Variants in HBP1 observed in about 807,000 individuals in gnomAD.
HBP1 encodes the protein HMG box-containing protein 1.
HBP1 carries 20 observed loss-of-function variants against 62.6 expected under a neutral mutation model. The observed-to-expected ratio is 0.32, with a 90% CI of 0.22 to 0.46. The LOEUF (loss-of-function observed/expected upper bound fraction) is 0.46, where lower values mean the gene tolerates loss of function less well. HBP1 is among the 20% of genes least tolerant of loss of function. The pLI is 1.00. For synonymous variants in HBP1, 232 were observed against 206.2 expected (o/e 1.12, Z -1.07); for missense variants, 480 against 611.8 (o/e 0.78, Z 2.27).
chr7:107,183,673 T>G (rs1797221682), intron 3 of HBP1, among the ~76,000 whole-genome samples: 1 of 152,090 alleles, frequency 6.6e-6, no homozygotes, highest in African/African-American at 2.4e-5. Flanking sequence ...TAGAGATACT[T>G]TTTTTTCACT....
rs1796414746 is a variant in HBP1 at position 107,169,083 on chromosome 7, C to A, written c.-118C>A. On this transcript the variant is annotated 5_prime_UTR_variant, in exon 1 of 11. Transcript: ENST00000222574. Reference sequence around the variant, plus strand: ...GAGCTGCCGCGGGAGCAGTAACCCGCGCGGGGGAGGCCGACGTCGGTCGGA... The same window carrying A: ...GAGCTGCCGCGGGAGCAGTAACCCGAGCGGGGGAGGCCGACGTCGGTCGGA... 1 of 1,286,050 alleles carries A rather than the reference C, an allele frequency of 7.8e-7. No homozygotes were observed. The highest frequency in any genetic ancestry group is 1.0e-6 in the Non-Finnish European group (1 of 986,880). 79.7% of individuals were successfully genotyped at this position (1,286,050 alleles called of 1,614,324 possible). A position where few individuals can be genotyped will look rare whatever the true frequency, so the allele number is the denominator to read the frequency against.
At chr7:107,174,964 C>G (rs1211307738) in intron 1 of HBP1, among the ~76,000 whole-genome samples, 1 of 152,042 alleles carries the variant, frequency 6.6e-6, no homozygotes, top group Non-Finnish European at 1.5e-5. Flanking sequence ...CATAGTATGA[C>G]TAGTTTCTCT....
intron 1 of HBP1, among the ~76,000 whole-genome samples, chr7:107,178,440 A>G (rs1036999050): frequency 5.9e-5 from 9 of 152,274 alleles, no homozygotes; most frequent in Non-Finnish European, 8.8e-5. Flanking sequence ...AGACAACCAC[A>G]TTTTCCTTTC....
intron 1 of HBP1, among the ~76,000 whole-genome samples, chr7:107,176,317 C>G (rs1758957486): frequency 6.6e-6 from 1 of 152,176 alleles, no homozygotes; most frequent in South Asian, 2.1e-4. Context: ...AACCACTGAT[C>G]TAGCCCCTTC....
At chr7:107,172,499 A>G (rs1796647250) in intron 1 of HBP1, among the ~76,000 whole-genome samples, 1 of 152,184 alleles carries the variant, frequency 6.6e-6, no homozygotes, top group African/African-American at 2.4e-5. Flanking sequence ...TGTCGTTTTA[A>G]TATGTGACTT....
At chr7:107,198,331 T>C (rs1726210590) in intron 9 of HBP1, among the ~76,000 whole-genome samples, 1 of 152,056 alleles carries the variant, frequency 6.6e-6, no homozygotes, top group South Asian at 2.1e-4. Flanking sequence ...TGCCTCAGCC[T>C]CTGAGCAGCT....
intron 6 of HBP1, 83 bp from the exon 7 acceptor site, chr7:107,189,207 CCA>C (rs1192645468): frequency 6.9e-6 from 8 of 1,155,520 alleles, no homozygotes; most frequent in Non-Finnish European, 9.8e-6. Flanking sequence ...TTTACCTTTT[CCA>C]CAAAGTCTTA....
chr7:107,194,093 C>G (rs951448760), intron 8 of HBP1, among the ~76,000 whole-genome samples: 1 of 152,034 alleles, frequency 6.6e-6, no homozygotes, highest in African/African-American at 2.4e-5. Context: ...GAATGCTTAC[C>G]TAAGGTAGTA....
At chr7:107,190,476 GTAAT>G (rs796382431) in intron 8 of HBP1, among the ~76,000 whole-genome samples, 159 bp downstream of exon 8, 6 of 152,270 alleles carry the variant, frequency 3.9e-5, no homozygotes, top group African/African-American at 1.4e-4. Context: ...AACATATTAG[GTAAT>G]TAAAGTATAA....
At chr7:107,195,034 CCTTT>C (rs1235714632) in intron 8 of HBP1, among the ~76,000 whole-genome samples, 2 of 152,096 alleles carry the variant, frequency 1.3e-5, no homozygotes, top group East Asian at 1.9e-4. Flanking sequence ...ATTTTAAGTT[CCTTT>C]ATTTGTTTTT....
rs574214058 is a variant in HBP1 at position 107,189,220 on chromosome 7, C to T, written c.766-72C>T. 2.3e-6 allele frequency: 3 copies of T among 1,279,746 alleles called. No homozygotes were observed. The African/African-American group carries it at 4.5e-5, about 19-fold the overall frequency. 79.3% of individuals were successfully genotyped at this position (1,279,746 alleles called of 1,614,324 possible). On this transcript the variant is annotated intron_variant, in intron 6 of 10. Coordinates refer to ENST00000222574, the MANE Select transcript of HBP1 (RefSeq NM_012257.4). ...TTTTTACCTTTTCCACAAAGTCTTA[C>T]ATGTAATGGGAACTTCACAGTGTTT...
intron 9 of HBP1, among the ~76,000 whole-genome samples, chr7:107,199,329 G>A (rs544030569): frequency 2.4e-4 from 37 of 152,238 alleles, no homozygotes; most frequent in African/African-American, 8.2e-4. Context: ...TGATCTGCCC[G>A]CCTTGGCCTC....
intron 5 of HBP1, 37 bp downstream of exon 5, chr7:107,186,509 C>T (rs752150734): frequency 1.9e-6 from 3 of 1,571,834 alleles, no homozygotes; most frequent in Non-Finnish European, 2.6e-6. Context: ...TTGAATTTTC[C>T]ACAGCTTACT....
At chr7:107,170,190 C>T in intron 1 of HBP1, 2 of 936,690 alleles carry the variant, frequency 2.1e-6, no homozygotes, top group Non-Finnish European at 1.3e-6. Flanking sequence ...GATGCCAGGA[C>T]GAGAGGAGGC....
At chr7:107,180,200 T>C (rs1411353186) in intron 2 of HBP1, 138 bp downstream of exon 2, 1 of 504,918 alleles carries the variant, frequency 2.0e-6, no homozygotes, top group African/African-American at 1.9e-5. Context: ...CAGCATTCTT[T>C]TATTGCTTTT....
At chr7:107,181,498 T>G (rs1181180358) in intron 2 of HBP1, among the ~76,000 whole-genome samples, 2 of 151,672 alleles carry the variant, frequency 1.3e-5, no homozygotes, top group Non-Finnish European at 2.9e-5. Flanking sequence ...TTTTTTAAGA[T>G]AGGACATTTC....
intron 8 of HBP1, chr7:107,193,275 A>C (rs1797739779): frequency 6.6e-6 from 1 of 152,186 alleles, no homozygotes; most frequent in African/African-American, 2.4e-5. Context: ...TAATTACCCT[A>C]TTTGTAGATT....
rs894094653 is a variant in HBP1 at position 107,200,277 on chromosome 7, T to C, written c.1503T>C (p.Cys501=). 1 of 1,613,238 alleles carries C rather than the reference T, an allele frequency of 6.2e-7. No homozygotes were observed. The highest frequency in any genetic ancestry group is 8.5e-7 in the Non-Finnish European group (1 of 1,179,520). ...AACAGAAACGTTTAAATCCTGACTGTTGGAAGAGGAAAAGAACCAATTCAG... is the reference window on the plus strand; with the variant it reads ...AACAGAAACGTTTAAATCCTGACTGCTGGAAGAGGAAAAGAACCAATTCAG... ...AEEQKRLNPD[C]WKRKRTNSGS... The change falls in exon 10 of 11, where the codon TGT becomes TGC. Residue 501 remains cysteine (C), a synonymous_variant. Coordinates refer to ENST00000222574, the MANE Select transcript of HBP1 (RefSeq NM_012257.4).
chr7:107,201,183 C>G lies in HBP1; in HGVS notation c.1528-231C>G. The G allele has an allele frequency of 7.8e-6, 3 of 384,690 alleles. No homozygotes were observed. In the South Asian group the frequency reaches 2.3e-4, roughly 29 times the overall value. The allele number at this position is 384,690 out of a possible 1,614,324, so 23.8% of individuals were successfully genotyped here. On this transcript the variant is annotated intron_variant, in intron 10 of 10. Transcript: ENST00000222574. Reference sequence around the variant, plus strand: ...TGGTTAATTTAGAATTTCATGTGTTCGGACTTTTCCTGTATCCCTTTTCTG... The same window carrying G: ...TGGTTAATTTAGAATTTCATGTGTTGGGACTTTTCCTGTATCCCTTTTCTG...
Sources: gnomAD v4.1 joint callset for allele counts (sites outside exome capture counted in the v4.1 genomes callset) on GRCh38, gnomAD v4.1.1 for gene constraint, MANE v1.5 for transcripts, NCBI Gene and HGNC (gene_info 2026-07-23, HGNC 2026-07-21) for gene names.